TOX2: variants seen among roughly 807,000 people sequenced by gnomAD.
TOX2 encodes granulosa cell HMG box 1.
A neutral mutation model predicts 47.4 loss-of-function variants in TOX2; 15 were observed. The ratio of observed to expected loss-of-function variants is 0.32; its 90% CI spans 0.21 to 0.49. The LOEUF (loss-of-function observed/expected upper bound fraction) is 0.49, where lower values mean the gene tolerates loss of function less well. TOX2 is among the 20% of genes least tolerant of loss of function. The probability of loss-of-function intolerance (pLI) is 0.99; values close to 1 mark genes in which losing one functional copy is unlikely to be tolerated. For synonymous variants in TOX2, 290 were observed against 296.6 expected, an observed-to-expected ratio of 0.98 and a Z score of 0.23; for missense variants, 622 against 673.1, an observed-to-expected ratio of 0.92 and a Z score of 0.84.
intron 3 of TOX2, among the ~76,000 whole-genome samples, chr20:44,043,010 TTGGTAAAAC>T (rs1186199284): frequency 2.6e-5 from 4 of 152,166 alleles, no homozygotes; most frequent in African/African-American, 9.7e-5. Context: ...TTTTACTATT[TTGGTAAAAC>T]TGGAGGAGGA....
intron 3 of TOX2, among the ~76,000 whole-genome samples, chr20:44,046,350 A>G (rs762711806): frequency 3.9e-5 from 6 of 152,240 alleles, no homozygotes; most frequent in Non-Finnish European, 8.8e-5. Context: ...TTTAGAGAGA[A>G]ACTGCTGGAA....
rs188527810 is a variant in TOX2 at position 44,045,316 on chromosome 20, C to T, written c.412-5990C>T. ...TTTTAATGATTAAAAAAATCAGTTG[C>T]ATTAATGTCACCTTTCTAGAGCTTA... On this transcript the variant is annotated intron_variant, in intron 3 of 8. Transcript: ENST00000341197. 3.2e-3 allele frequency among the ~76,000 whole-genome samples: 483 copies of T among 150,702 alleles called. 3 individuals are homozygous for T. The highest frequency in any genetic ancestry group is 0.011 in the African/African-American group (453 of 41,012).
At chr20:43,928,549 C>T (rs965851301) in intron 1 of TOX2, among the ~76,000 whole-genome samples, 3 of 152,206 alleles carry the variant, frequency 2.0e-5, no homozygotes. Flanking sequence ...ATTGTGTTTT[C>T]TTAATGGCTC....
intron 3 of TOX2, among the ~76,000 whole-genome samples, chr20:44,019,203 A>G (rs990813793): frequency 1.3e-5 from 2 of 152,226 alleles, no homozygotes; most frequent in Admixed American, 6.5e-5. Flanking sequence ...TGGGGACCCT[A>G]TAGCATCTTC....
chr20:43,945,941 C>T (rs373906320), intron 1 of TOX2: 83 of 1,613,686 alleles, frequency 5.1e-5, no homozygotes, highest in Non-Finnish European at 6.4e-5. Flanking sequence ...GAGGCTGTCG[C>T]GGGCGCGTTC....
intron 3 of TOX2, among the ~76,000 whole-genome samples, chr20:44,019,322 G>A (rs2070941930): frequency 3.3e-5 from 5 of 152,232 alleles, no homozygotes; most frequent in Admixed American, 2.0e-4. Context: ...AGGGAAGGTG[G>A]CTTGTCCAAA....
rs369893538 is a variant in TOX2 at position 44,066,872 on chromosome 20, G to T, written c.1484+15G>T. ...AGCACCTGCAGGTTAGTCCTCGCCCGTCCCTGCCTTTGTCCTGCCAGCCAG... is the reference window on the plus strand; with the variant it reads ...AGCACCTGCAGGTTAGTCCTCGCCCTTCCCTGCCTTTGTCCTGCCAGCCAG... On this transcript the variant is annotated intron_variant, in intron 8 of 8. Coordinates refer to ENST00000341197, the MANE Select transcript of TOX2 (RefSeq NM_001098797.2). The T allele has an allele frequency of 6.8e-6, 11 of 1,606,180 alleles. No individual in the cohort carries two copies. Among genetic ancestry groups the T allele is most frequent in the Non-Finnish European group, 9.4e-6 (11 of 1,175,512 alleles).
intron 1 of TOX2, among the ~76,000 whole-genome samples, chr20:43,952,075 AAAT>A (rs1569027877): frequency 1.3e-5 from 2 of 150,148 alleles, no homozygotes; most frequent in African/African-American, 4.9e-5. Flanking sequence ...TTTTTTTTTA[AAAT>A]TTTTAGTAGA....
At chr20:43,975,130 GC>G (rs1390336023) in intron 2 of TOX2, among the ~76,000 whole-genome samples, 1 of 152,134 alleles carries the variant, frequency 6.6e-6, no homozygotes, top group Non-Finnish European at 1.5e-5. Context: ...AACATATTGA[GC>G]CCTGGTTTTC....
intron 3 of TOX2, among the ~76,000 whole-genome samples, chr20:44,028,491 C>G (rs970609455): frequency 2.0e-5 from 3 of 152,244 alleles, no homozygotes; most frequent in Non-Finnish European, 4.4e-5. Context: ...TTCTCTGCTT[C>G]ATTCCATCAG....
chr20:44,048,434 C>A (rs2071453972), intron 3 of TOX2, among the ~76,000 whole-genome samples: 1 of 99,576 alleles, frequency 1.0e-5, no homozygotes, highest in East Asian at 2.6e-4. Context: ...CCAAAACTGA[C>A]TCGAGAGAAA....
At chr20:44,008,131 G>A (rs1012383041) in intron 3 of TOX2, among the ~76,000 whole-genome samples, 2 of 152,146 alleles carry the variant, frequency 1.3e-5, no homozygotes, top group African/African-American at 2.4e-5. Flanking sequence ...CTTGGGAATA[G>A]CATGTGGTTC....
In TOX2 at chr20:43,995,162, GC is replaced by G. The variant is rs950003399; in HGVS notation, c.166-11384del. On this transcript the variant is annotated intron_variant, in intron 2 of 8. Transcript: ENST00000341197. ...TTAGTCCAGGAAAATGACAGGCCAAGCAAAAGGCATAATTGTCCTGATTTTC... is the reference window on the plus strand; with the variant it reads ...TTAGTCCAGGAAAATGACAGGCCAAGAAAAGGCATAATTGTCCTGATTTTC... Among the ~76,000 whole-genome samples the G allele has an allele frequency of 2.0e-5, 3 of 152,150 alleles. No homozygotes were observed. In the East Asian group the frequency reaches 5.8e-4, roughly 29 times the overall value.
chr20:43,951,018 G>A (rs2069554762), intron 1 of TOX2, among the ~76,000 whole-genome samples: 1 of 151,964 alleles, frequency 6.6e-6, no homozygotes, highest in South Asian at 2.1e-4. Context: ...CAGGCCCCAG[G>A]GATGGGCTCA....
intron 3 of TOX2, among the ~76,000 whole-genome samples, chr20:44,036,911 G>C (rs1478146054): frequency 6.6e-6 from 1 of 152,184 alleles, no homozygotes; most frequent in Non-Finnish European, 1.5e-5. Flanking sequence ...CTCCCTCCTG[G>C]CATCCCTCTC....
At chr20:44,032,486 AG>A (rs918493868) in intron 3 of TOX2, among the ~76,000 whole-genome samples, 8 of 152,152 alleles carry the variant, frequency 5.3e-5, no homozygotes, top group African/African-American at 1.9e-4. Context: ...CGAGTGCTGA[AG>A]GAAGAGCAAG....
chr20:43,960,142 T>G (rs1418867537), intron 1 of TOX2, among the ~76,000 whole-genome samples: 1 of 152,190 alleles, frequency 6.6e-6, no homozygotes, highest in Non-Finnish European at 1.5e-5. Flanking sequence ...CAATTAAGAG[T>G]GCCTGGCTTG....
At chr20:44,052,243 AG>A (rs1434880665) in intron 4 of TOX2, among the ~76,000 whole-genome samples, 1 of 152,174 alleles carries the variant, frequency 6.6e-6, no homozygotes, top group Non-Finnish European at 1.5e-5. Context: ...AGAACATGGT[AG>A]GGATGAGAGC....
chr20:44,033,060 C>T (rs2071182074), intron 3 of TOX2, among the ~76,000 whole-genome samples: 1 of 152,142 alleles, frequency 6.6e-6, no homozygotes, highest in Admixed American at 6.6e-5. Flanking sequence ...CAGCTGGGCA[C>T]CTGTGCGCTA....
Sources: gnomAD v4.1 joint callset for allele counts (sites outside exome capture counted in the v4.1 genomes callset) on GRCh38, gnomAD v4.1.1 for gene constraint, MANE v1.5 for transcripts, NCBI Gene and HGNC (gene_info 2026-07-23, HGNC 2026-07-21) for gene names.